Variants in TG observed in about 807,000 individuals in gnomAD.
TG encodes the protein thyroglobulin.
In TG, 270 loss-of-function variants were observed where a neutral mutation model predicts 324.7. That is an observed-to-expected ratio of 0.83 (90% CI 0.75 to 0.92). The LOEUF is 0.92. Among genes scored for constraint, TG ranks in the 40% least tolerant of loss-of-function variants. TG has a pLI of 0.00. For synonymous variants in TG, 1,401 were observed against 1,327.0 expected, an observed-to-expected ratio of 1.06 and a Z score of -1.21; for missense variants, 3,591 against 3,456.4, an observed-to-expected ratio of 1.04 and a Z score of -0.98.
chr8:132,939,254 T>C (rs1292055402), intron 25 of TG, among the ~76,000 whole-genome samples: 1 of 152,150 alleles, frequency 6.6e-6, no homozygotes, highest in Admixed American at 6.5e-5. Flanking sequence ...AAGGTTGCTA[T>C]TGCAATATTA....
Position 132,888,579 on chromosome 8 carries a change from G to A in TG, c.2761+11G>A, listed in dbSNP as rs77660463. On this transcript the variant is annotated intron_variant, in intron 10 of 47. Transcript: ENST00000220616. ...GCAAGCTCCCAACATGTGAGCTAAC[G>A]CATATGAAGAGTTAAATGTGTGTGT... 4.7e-5 allele frequency: 76 copies of A among 1,603,994 alleles called. No homozygotes were observed. The highest frequency in any genetic ancestry group is 2.8e-4 in the African/African-American group (21 of 74,200).
At chr8:133,075,267 C>T (rs1844681630) in intron 41 of TG, 1 of 320,804 alleles carries the variant, frequency 3.1e-6, no homozygotes, top group Non-Finnish European at 4.5e-6. Context: ...TGTGAATTTG[C>T]TCTTGTACAT....
At chr8:133,064,884 G>A (rs529361048) in intron 41 of TG, among the ~76,000 whole-genome samples, 1 of 152,270 alleles carries the variant, frequency 6.6e-6, no homozygotes, top group African/African-American at 2.4e-5. Flanking sequence ...AAGGAGGGTA[G>A]CCCGAACCCC....
Position 132,923,351 on chromosome 8 carries a change from TC to T in TG, c.4543del (p.Gln1515ArgfsTer52), listed in dbSNP as rs1266588757. The part of the protein sequence containing the change: ...FSQTHCVTDC[Q>X]RNEAGLQCDQ... ...TATTGGTTCTAGGTGTCACTGACTGTCAGAGGAACGAAGCAGGCCTGCAATG... is the reference window on the plus strand; with the variant it reads ...TATTGGTTCTAGGTGTCACTGACTGTAGAGGAACGAAGCAGGCCTGCAATG... On this transcript the variant is annotated frameshift_variant, in exon 22 of 48. Transcript: ENST00000220616. LOFTEE classifies it high-confidence loss of function. The T allele has an allele frequency of 6.2e-7, 1 of 1,613,936 alleles. No individual in the cohort carries two copies. Among genetic ancestry groups the T allele is most frequent in the Non-Finnish European group, 8.5e-7 (1 of 1,180,014 alleles).
At chr8:132,988,643 A>G in intron 35 of TG, 1 of 932,210 alleles carries the variant, frequency 1.1e-6, no homozygotes, top group Non-Finnish European at 1.3e-6. Context: ...AAATTGTTTT[A>G]TAAACAAGTG....
At position 132,887,986 on chromosome 8, in the gene TG, C is replaced by T. The variant is rs1815670350; in HGVS notation, c.2179C>T (p.Pro727Ser). 1 of 1,613,284 alleles carries T rather than the reference C, an allele frequency of 6.2e-7. No individual in the cohort carries two copies. The highest frequency in any genetic ancestry group is 1.3e-5 in the African/African-American group (1 of 75,008). The change falls in exon 10 of 48, where the codon CCC becomes TCC. Residue 727 changes from proline (P) to serine (S), a missense_variant and splice_region_variant. By Grantham distance (74) the Pro-to-Ser change is moderately conservative (BLOSUM62 -1). Transcript: ENST00000220616. ...RSAIGKPKKC[P>S]TPCQLQSEQA... is the part of the protein sequence containing the mutation. ...ACCTGCTCATTGTTCCTCCCCAGGC[C>T]CCACGCCCTGTCAATTACAGTCTGA...
At position 133,029,945 on chromosome 8, in the gene TG, C is replaced by A. The variant is rs766209120; in HGVS notation, c.7161C>A (p.Gly2387=). The A allele has an allele frequency of 1.2e-6, 2 of 1,614,198 alleles. No homozygotes were observed. Among genetic ancestry groups the A allele is most frequent in the East Asian group, 4.5e-5 (2 of 44,880 alleles). The change falls in exon 41 of 48, where the codon GGC becomes GGA. Residue 2387 remains glycine, a synonymous_variant. Coordinates refer to ENST00000220616, the MANE Select transcript of TG (RefSeq NM_003235.5). ...GCGTGTCCCTGGCAGCAGACCGTGGCGGGGCTGATGTGGCCAGCATCCACC... is the reference window on the plus strand; with the variant it reads ...GCGTGTCCCTGGCAGCAGACCGTGGAGGGGCTGATGTGGCCAGCATCCACC... ...PRRVSLAADR[G]GADVASIHLL...
intron 40 of TG, among the ~76,000 whole-genome samples, chr8:133,025,551 G>C (rs1440557896): frequency 6.6e-6 from 1 of 152,110 alleles, no homozygotes; most frequent in Non-Finnish European, 1.5e-5. Context: ...TGTTACCCTT[G>C]ATGAGCCGAT....
At chr8:132,958,513 T>A (rs529753155) in intron 27 of TG, among the ~76,000 whole-genome samples, 83 of 151,426 alleles carry the variant, frequency 5.5e-4, no homozygotes, top group African/African-American at 1.7e-3. Flanking sequence ...AGGTCAGGAG[T>A]TCAAGACCAT....
chr8:132,926,471 C>G (rs761819596), intron 22 of TG, among the ~76,000 whole-genome samples: 1 of 152,186 alleles, frequency 6.6e-6, no homozygotes, highest in Non-Finnish European at 1.5e-5. Flanking sequence ...TGGGCTCTAA[C>G]CTCATTAGAC....
intron 45 of TG, among the ~76,000 whole-genome samples, chr8:133,125,851 G>C (rs1004419436): frequency 6.6e-6 from 1 of 152,218 alleles, no homozygotes; most frequent in African/African-American, 2.4e-5. Context: ...TTTGTAAGCT[G>C]TGGCTAGCAG....
intron 41 of TG, among the ~76,000 whole-genome samples, chr8:133,070,473 A>G (rs1238509113): frequency 6.6e-6 from 1 of 152,244 alleles, no homozygotes; most frequent in East Asian, 1.9e-4. Flanking sequence ...GATGCCCCCA[A>G]GAACATACTG....
intron 38 of TG, among the ~76,000 whole-genome samples, chr8:133,018,900 A>G (rs1050283927): frequency 1.3e-5 from 2 of 152,350 alleles, no homozygotes; most frequent in East Asian, 1.9e-4. Context: ...GGCTTCAGCT[A>G]GGATGGTGGC....
chr8:133,030,147 G>C, intron 41 of TG, 124 bp downstream of exon 41: 1 of 1,219,594 alleles, frequency 8.2e-7, no homozygotes, highest in South Asian at 1.2e-5. Context: ...TGTCCTGAGT[G>C]TGGATGCTGC....
chr8:133,019,667 A>G lies in TG; in HGVS notation c.6848A>G (p.Tyr2283Cys), dbSNP rs773330248. Residue 2283 changes from tyrosine to cysteine, a missense_variant, in exon 39 of 48, where the codon TAT (tyrosine) becomes TGT (cysteine). Physicochemically the swap from Tyr to Cys is radical, Grantham distance 194 (BLOSUM62 -2). Transcript: ENST00000220616. Reference protein sequence around the residue: ...TSPGVSEDCLYLNVFIPQNVA... With the variant: ...TSPGVSEDCLCLNVFIPQNVA... The stretch of plus-strand genomic sequence containing the variant: ...CCTGGAGTCAGTGAAGATTGTTTGT[A>G]TCTCAATGTGTTCATCCCTCAGAAT... 1.2e-6 allele frequency: 2 copies of G among 1,613,438 alleles called. No individual in the cohort carries two copies. Among genetic ancestry groups the G allele is most frequent in the African/African-American group, 1.3e-5 (1 of 74,912 alleles).
At chr8:133,067,919 G>GGAAGGAAGGAAGA (rs1587972683) in intron 41 of TG, among the ~76,000 whole-genome samples, 65 of 85,886 alleles carry the variant, frequency 7.6e-4, no homozygotes, top group African/African-American at 1.0e-3. Flanking sequence ...AGGAAGGAAA[G>GGAAGGAAGGAAGA]AGAGAGAGAG....
chr8:133,121,652 T>C (rs1851150799), intron 45 of TG, among the ~76,000 whole-genome samples: 1 of 152,362 alleles, frequency 6.6e-6, no homozygotes, highest in African/African-American at 2.4e-5. Context: ...AGGCAAGTCA[T>C]GTAACCTCTT....
rs1453798271 is a variant in TG at position 132,893,899 on chromosome 8, G to A, written c.2971G>A (p.Asp991Asn). The change falls in exon 11 of 48, where the codon GAT (aspartate) becomes AAT (asparagine). Residue 991 changes from aspartate (D) to asparagine (N), a missense_variant. Coordinates refer to ENST00000220616, the MANE Select transcript of TG (RefSeq NM_003235.5). The stretch of plus-strand genomic sequence containing the variant: ...CGCGGAGCAGTTTCTGCGTGGGAGT[G>A]ATTACGCCATTCGCCTGGCGGCTCA... ...AFAEQFLRGS[D>N]YAIRLAAQST... The A allele has an allele frequency of 1.9e-6, 3 of 1,614,060 alleles. No individual in the cohort carries two copies. The highest frequency in any genetic ancestry group is 8.5e-7 in the Non-Finnish European group (1 of 1,179,948).
At chr8:132,992,590 C>T (rs1433878886) in intron 35 of TG, among the ~76,000 whole-genome samples, 1 of 152,184 alleles carries the variant, frequency 6.6e-6, no homozygotes, top group Non-Finnish European at 1.5e-5. Flanking sequence ...CCACATTGGA[C>T]TAAAGTATAT....
Sources: gnomAD v4.1 joint callset for allele counts (sites outside exome capture counted in the v4.1 genomes callset) on GRCh38, gnomAD v4.1.1 for gene constraint, MANE v1.5 for transcripts, NCBI Gene and HGNC (gene_info 2026-07-23, HGNC 2026-07-21) for gene names.